Variants in GBE1 observed in about 807,000 individuals in gnomAD.
GBE1 encodes the protein 1,4-alpha-glucan branching enzyme 1, also known as 1,4-alpha-glucan-branching enzyme.
A neutral mutation model predicts 88.8 loss-of-function variants in GBE1; 70 were observed. The observed-to-expected ratio is 0.79, with a 90% confidence interval of 0.65 to 0.96. The LOEUF (loss-of-function observed/expected upper bound fraction) is 0.96, where lower values mean the gene tolerates loss of function less well. Ranked by LOEUF, GBE1 falls within the 40% of genes least tolerant of loss-of-function variation. The pLI, the probability that GBE1 is intolerant of heterozygous loss-of-function variation, is 0.00. For synonymous variants in GBE1, 284 were observed against 300.1 expected (o/e 0.95, Z 0.56); for missense variants, 872 against 871.0 (o/e 1.00, Z -0.01).
chr3:81,570,941 T>C (rs770092734), intron 12 of GBE1, among the ~76,000 whole-genome samples: 7 of 152,192 alleles, frequency 4.6e-5, no homozygotes, highest in Non-Finnish European at 8.8e-5. Flanking sequence ...AAGTGCCCTA[T>C]ATAAAAGATA....
At chr3:81,534,212 T>A (rs928867954) in intron 14 of GBE1, among the ~76,000 whole-genome samples, 11 of 151,980 alleles carry the variant, frequency 7.2e-5, no homozygotes, top group African/African-American at 2.7e-4. Flanking sequence ...GAATCTGTCA[T>A]TTTTTTCATG....
chr3:81,599,658 G>A (rs1698040761), intron 7 of GBE1, among the ~76,000 whole-genome samples: 1 of 152,048 alleles, frequency 6.6e-6, no homozygotes, highest in Non-Finnish European at 1.5e-5. Flanking sequence ...TCTTATATGT[G>A]GTAGCTTGTT....
intron 2 of GBE1, among the ~76,000 whole-genome samples, chr3:81,703,020 AC>A (rs1705723284): frequency 6.6e-6 from 1 of 152,022 alleles, no homozygotes; most frequent in Admixed American, 6.6e-5. Flanking sequence ...ACCAAATGCA[AC>A]TATCAGATAT....
intron 1 of GBE1, among the ~76,000 whole-genome samples, chr3:81,716,389 C>T (rs1245442054): frequency 2.0e-5 from 3 of 152,094 alleles, no homozygotes; most frequent in Admixed American, 2.0e-4. Flanking sequence ...AAGTAAATAG[C>T]GGCTATTATT....
At chr3:81,655,323 G>T (rs1462852344) in intron 3 of GBE1, among the ~76,000 whole-genome samples, 1 of 151,978 alleles carries the variant, frequency 6.6e-6, no homozygotes, top group Non-Finnish European at 1.5e-5. Context: ...TGGGATTACA[G>T]GCATGAGCCA....
intron 14 of GBE1, among the ~76,000 whole-genome samples, chr3:81,516,553 GT>G (rs2106839069): frequency 6.6e-6 from 1 of 151,688 alleles, no homozygotes; most frequent in East Asian, 1.9e-4. Flanking sequence ...GGATCAAGAA[GT>G]AATTTCAACT....
At chr3:81,518,578 GA>G (rs1702829663) in intron 14 of GBE1, among the ~76,000 whole-genome samples, 1 of 151,322 alleles carries the variant, frequency 6.6e-6, no homozygotes, top group Non-Finnish European at 1.5e-5. Context: ...TATGACCAGG[GA>G]GGTGAGGGTA....
At chr3:81,493,006 G>A (rs764151282) in intron 15 of GBE1, among the ~76,000 whole-genome samples, 5 of 152,058 alleles carry the variant, frequency 3.3e-5, no homozygotes, top group Admixed American at 6.5e-5. Flanking sequence ...ATATTGCTGA[G>A]ATTACAGGCG....
At chr3:81,558,277 C>A (rs559209875) in intron 12 of GBE1, among the ~76,000 whole-genome samples, 64 of 151,832 alleles carry the variant, frequency 4.2e-4, no homozygotes, top group Admixed American at 6.6e-4. Flanking sequence ...TTAAAAAGAA[C>A]CATGTTCAGT....
chr3:81,634,092 C>T (rs1337030290), intron 7 of GBE1, among the ~76,000 whole-genome samples: 1 of 152,166 alleles, frequency 6.6e-6, no homozygotes, highest in Non-Finnish European at 1.5e-5. Flanking sequence ...AGAGGAGATC[C>T]GTTTGCCAGG....
intron 1 of GBE1, among the ~76,000 whole-genome samples, chr3:81,737,652 A>T (rs866654444): frequency 2.3e-4 from 34 of 150,844 alleles, no homozygotes; most frequent in African/African-American, 7.5e-4. Flanking sequence ...TGGTACTTTT[A>T]TGTCTTCTTT....
chr3:81,650,850 T>G (rs1479989923), intron 3 of GBE1, among the ~76,000 whole-genome samples: 1 of 151,652 alleles, frequency 6.6e-6, no homozygotes, highest in South Asian at 2.1e-4. Context: ...GGGTCTGGGG[T>G]TTTTTTGTAG....
At chr3:81,518,930 T>C (rs1004099140) in intron 14 of GBE1, among the ~76,000 whole-genome samples, 1 of 151,598 alleles carries the variant, frequency 6.6e-6, no homozygotes, top group African/African-American at 2.4e-5. Context: ...TACCAAAGTA[T>C]CTAAAACCTG....
intron 6 of GBE1, 116 bp from the exon 7 acceptor site, chr3:81,643,106 T>C (rs745640656): frequency 1.4e-6 from 1 of 701,910 alleles, no homozygotes; most frequent in Non-Finnish European, 2.5e-6. Context: ...CCAAACAGCA[T>C]GTGACATGAT....
intron 12 of GBE1, among the ~76,000 whole-genome samples, chr3:81,559,117 T>C (rs1297455280): frequency 6.6e-6 from 1 of 152,058 alleles, no homozygotes; most frequent in East Asian, 1.9e-4. Context: ...ACTCGAGAAG[T>C]ATTTTCAAGA....
chr3:81,723,264 T>G (rs538785964), intron 1 of GBE1, among the ~76,000 whole-genome samples: 8 of 151,272 alleles, frequency 5.3e-5, no homozygotes, highest in Non-Finnish European at 7.4e-5. Context: ...TTGTTTTGTT[T>G]TTTTTTTTTT....
intron 1 of GBE1, among the ~76,000 whole-genome samples, chr3:81,745,447 C>G (rs1706408234): frequency 2.6e-5 from 4 of 152,082 alleles, no homozygotes. Flanking sequence ...TGGGAAACAG[C>G]AGCATCAGCA....
At chr3:81,745,438 G>T (rs541752712) in intron 1 of GBE1, among the ~76,000 whole-genome samples, 11 of 152,166 alleles carry the variant, frequency 7.2e-5, no homozygotes, top group African/African-American at 2.6e-4. Flanking sequence ...AGTATCCTCT[G>T]GGAAACAGCA....
At chr3:81,761,286 G>C in intron 1 of GBE1, 89 bp downstream of exon 1, 1 of 1,480,682 alleles carries the variant, frequency 6.8e-7, no homozygotes, top group South Asian at 1.3e-5. Flanking sequence ...GGGTTGGCGC[G>C]CGAGGGCCGA....
Sources: gnomAD v4.1 joint callset for allele counts (sites outside exome capture counted in the v4.1 genomes callset) on GRCh38, gnomAD v4.1.1 for gene constraint, MANE v1.5 for transcripts, NCBI Gene and HGNC (gene_info 2026-07-23, HGNC 2026-07-21) for gene names.